Variants in NRXN3 observed in about 807,000 individuals in gnomAD.
NRXN3 encodes neurexin 3.
NRXN3 carries 32 observed loss-of-function variants against 137.6 expected under a neutral mutation model. That is an observed-to-expected ratio of 0.23 (90% CI 0.18 to 0.31). The LOEUF (loss-of-function observed/expected upper bound fraction) is 0.31. Ranked by LOEUF, NRXN3 falls within the 10% of genes least tolerant of loss-of-function variation. NRXN3 has a pLI of 1.00. For synonymous variants in NRXN3, 798 were observed against 784.5 expected (o/e 1.02, Z -0.29); for missense variants, 1,574 against 2,062.5 (o/e 0.76, Z 4.59).
chr14:78,911,956 C>T (rs1199233630), intron 10 of NRXN3, among the ~76,000 whole-genome samples: 3 of 151,558 alleles, frequency 2.0e-5, no homozygotes, highest in Non-Finnish European at 4.4e-5. Context: ...TTTTAGGGTA[C>T]ATGTGCACAA....
At chr14:79,719,251 A>ATGTGTGTGTGTG (rs4016617) in intron 19 of NRXN3, among the ~76,000 whole-genome samples, 1 of 148,938 alleles carries the variant, frequency 6.7e-6, no homozygotes, top group African/African-American at 2.5e-5. Flanking sequence ...ATAGACATAT[A>ATGTGTGTGTGTG]TGTGTGTGTG....
At chr14:79,074,325 A>C (rs956389738) in intron 15 of NRXN3, among the ~76,000 whole-genome samples, 1 of 152,196 alleles carries the variant, frequency 6.6e-6, no homozygotes, top group Non-Finnish European at 1.5e-5. Context: ...TGAGTTGAAA[A>C]AATTATTTCT....
At chr14:79,151,502 G>A (rs375287730) in intron 15 of NRXN3, among the ~76,000 whole-genome samples, 17 of 152,174 alleles carry the variant, frequency 1.1e-4, no homozygotes, top group South Asian at 6.2e-4. Context: ...TTGATGCCAC[G>A]AATCAACTGG....
chr14:79,715,334 C>T (rs1033986756), intron 19 of NRXN3, among the ~76,000 whole-genome samples: 2 of 152,190 alleles, frequency 1.3e-5, no homozygotes, highest in Non-Finnish European at 2.9e-5. Context: ...CCTCAGCCAG[C>T]TCTCCTAGAC....
chr14:78,710,276 T>C (rs1213221517), intron 7 of NRXN3, among the ~76,000 whole-genome samples: 1 of 152,052 alleles, frequency 6.6e-6, no homozygotes, highest in Non-Finnish European at 1.5e-5. Flanking sequence ...TTCATAACCT[T>C]TTACATTTTG....
chr14:78,416,167 T>C (rs1185806122), intron 4 of NRXN3, among the ~76,000 whole-genome samples: 1 of 152,312 alleles, frequency 6.6e-6, no homozygotes, highest in East Asian at 1.9e-4. Flanking sequence ...ATTTGAAGAC[T>C]ATCTCTCTTG....
intron 16 of NRXN3, among the ~76,000 whole-genome samples, chr14:79,516,282 GC>G (rs1035564430): frequency 2.0e-5 from 3 of 152,118 alleles, no homozygotes; most frequent in African/African-American, 7.2e-5. Flanking sequence ...GAATTAGAAG[GC>G]CCCCAGCTTG....
At chr14:79,022,175 T>C (rs191865063) in intron 15 of NRXN3, among the ~76,000 whole-genome samples, 2 of 152,310 alleles carry the variant, frequency 1.3e-5, no homozygotes, top group African/African-American at 2.4e-5. Flanking sequence ...AGCTAAACAA[T>C]TGTTTAATAC....
intron 17 of NRXN3, among the ~76,000 whole-genome samples, chr14:79,676,983 A>T (rs1444777138): frequency 3.9e-5 from 6 of 152,120 alleles, no homozygotes; most frequent in Non-Finnish European, 8.8e-5. Flanking sequence ...TGTACAACTG[A>T]GGTTTTTGGA....
intron 15 of NRXN3, among the ~76,000 whole-genome samples, chr14:79,347,119 C>A (rs1362511087): frequency 1.3e-5 from 2 of 151,990 alleles, no homozygotes; most frequent in South Asian, 2.1e-4. Context: ...CCATGCTTGT[C>A]CCCCCACCCT....
In NRXN3 at chr14:78,457,648, C is replaced by T. The variant is rs1004781898; in HGVS notation, c.757+159788C>T. On this transcript the variant is annotated intron_variant, in intron 4 of 20. Transcript: ENST00000335750. ...ACTGTGAAGGGTCTGAGACTGCAGCCTACTTGCAAGCTAACAAGTTAATCT... is the reference window on the plus strand; with the variant it reads ...ACTGTGAAGGGTCTGAGACTGCAGCTTACTTGCAAGCTAACAAGTTAATCT... Among the ~76,000 whole-genome samples the T allele has an allele frequency of 3.9e-5, 6 of 152,210 alleles. No homozygotes were observed. In the South Asian group the frequency reaches 8.3e-4, roughly 21 times the overall value.
intron 16 of NRXN3, among the ~76,000 whole-genome samples, chr14:79,565,483 C>T (rs890870385): frequency 7.9e-5 from 12 of 151,562 alleles, no homozygotes; most frequent in Admixed American, 1.3e-4. Context: ...AGCCTTGCCA[C>T]GGGTAGAGGA....
chr14:78,524,924 A>G (rs917693374), intron 4 of NRXN3, among the ~76,000 whole-genome samples: 1 of 152,208 alleles, frequency 6.6e-6, no homozygotes, highest in African/African-American at 2.4e-5. Context: ...GGAAATGATG[A>G]TTCCAATAAG....
chr14:78,676,069 C>T (rs959426979), intron 6 of NRXN3, among the ~76,000 whole-genome samples: 6 of 152,156 alleles, frequency 3.9e-5, no homozygotes, highest in Admixed American at 1.3e-4. Context: ...AGCCTTCTCC[C>T]TCCCTTCAGG....
intron 15 of NRXN3, among the ~76,000 whole-genome samples, chr14:79,203,408 G>C (rs903391590): frequency 6.6e-6 from 1 of 152,136 alleles, no homozygotes; most frequent in Non-Finnish European, 1.5e-5. Context: ...AACATACTTT[G>C]TGTCTTCATT....
chr14:79,603,021 C>G (rs897978051), intron 16 of NRXN3, among the ~76,000 whole-genome samples: 1 of 152,144 alleles, frequency 6.6e-6, no homozygotes, highest in Non-Finnish European at 1.5e-5. Context: ...CTCAACTGAT[C>G]AACCAGTAGC....
chr14:78,326,616 G>A (rs1446763910), intron 4 of NRXN3, among the ~76,000 whole-genome samples: 1 of 152,190 alleles, frequency 6.6e-6, no homozygotes, highest in East Asian at 1.9e-4. Context: ...TTTGTGCAGG[G>A]AAAGAGAAGT....
chr14:79,102,113 A>T (rs969599232), intron 15 of NRXN3, among the ~76,000 whole-genome samples: 1 of 152,178 alleles, frequency 6.6e-6, no homozygotes, highest in Non-Finnish European at 1.5e-5. Flanking sequence ...TCTGGTCTCC[A>T]GAACTGTGAA....
At chr14:78,484,757 T>C (rs1488018987) in intron 4 of NRXN3, among the ~76,000 whole-genome samples, 6 of 152,142 alleles carry the variant, frequency 3.9e-5, no homozygotes, top group Admixed American at 3.9e-4. Context: ...TCAGCTGCAT[T>C]AGAGAAAGGC....
Sources: allele counts gnomAD v4.1 joint callset (sites outside exome capture counted in the v4.1 genomes callset), GRCh38; gene constraint gnomAD v4.1.1; transcripts MANE v1.5; gene names NCBI Gene and HGNC (gene_info 2026-07-23, HGNC 2026-07-21).